TBCK: variants seen among roughly 807,000 people sequenced by gnomAD.
TBCK encodes TBC domain-containing protein kinase-like protein.
Under a neutral mutation model 113.4 loss-of-function variants are expected in TBCK, and 99 were observed. That is an observed-to-expected ratio of 0.87 (90% confidence interval 0.74 to 1.03). The LOEUF (loss-of-function observed/expected upper bound fraction) is 1.03. Among genes scored for constraint, TBCK ranks in the 50% least tolerant of loss-of-function variants. The pLI, the probability that TBCK is intolerant of heterozygous loss-of-function variation, is 0.00. For missense variants in TBCK, 1,045 were observed against 1,061.3 expected, an observed-to-expected ratio of 0.98 and a Z score of 0.21; for synonymous variants, 369 against 370.8, an observed-to-expected ratio of 1.00 and a Z score of 0.05.
intron 2 of TBCK, among the ~76,000 whole-genome samples, chr4:106,299,561 T>C (rs1417276232): frequency 1.3e-5 from 2 of 152,214 alleles, no homozygotes; most frequent in Admixed American, 6.5e-5. Flanking sequence ...ATAGTTTTAA[T>C]ACTGCTGAGC....
intron 3 of TBCK, among the ~76,000 whole-genome samples, chr4:106,279,684 T>A (rs1301862614): frequency 6.6e-6 from 1 of 152,132 alleles, no homozygotes; most frequent in Non-Finnish European, 1.5e-5. Context: ...ACATGTAAAG[T>A]TTGTCTTTCT....
chr4:106,234,347 A>G (rs1759216154), intron 15 of TBCK, among the ~76,000 whole-genome samples: 1 of 152,126 alleles, frequency 6.6e-6, no homozygotes, highest in African/African-American at 2.4e-5. Context: ...TAACCAACTA[A>G]ACTCAAAGGT....
At chr4:106,163,346 T>C (rs1382030467) in intron 23 of TBCK, 2 of 152,200 alleles carry the variant, frequency 1.3e-5, no homozygotes, top group Non-Finnish European at 2.9e-5. Flanking sequence ...AGCTCCAAAT[T>C]TTCCCACATT....
chr4:106,135,350 C>T (rs1012626816), intron 23 of TBCK, among the ~76,000 whole-genome samples: 1 of 152,050 alleles, frequency 6.6e-6, no homozygotes, highest in Non-Finnish European at 1.5e-5. Context: ...AATTCAGGTG[C>T]AGAGAAGGTA....
chr4:106,124,332 A>G (rs1321949929), intron 23 of TBCK, among the ~76,000 whole-genome samples: 1 of 152,220 alleles, frequency 6.6e-6, no homozygotes, highest in African/African-American at 2.4e-5. Context: ...AATGGCAATC[A>G]TTAAAAAGTC....
intron 19 of TBCK, among the ~76,000 whole-genome samples, chr4:106,216,906 C>T (rs1023305745): frequency 6.6e-5 from 10 of 151,934 alleles, no homozygotes; most frequent in Admixed American, 3.9e-4. Context: ...CAGGCAGAGA[C>T]ACAACCAAAA....
intron 18 of TBCK, among the ~76,000 whole-genome samples, chr4:106,230,841 T>C (rs963482013): frequency 9.9e-5 from 15 of 151,784 alleles, no homozygotes; most frequent in Non-Finnish European, 1.9e-4. Context: ...AGGAATAGTG[T>C]TATAATTCAC....
rs191712411 is a variant in TBCK at position 106,105,755 on chromosome 4, G to C, written c.2412-10114C>G. Among the ~76,000 whole-genome samples the C allele has an allele frequency of 1.5e-4, 23 of 150,418 alleles. No individual in the cohort carries two copies. The East Asian group carries it at 3.7e-3, about 25-fold the overall frequency. On this transcript the variant is annotated intron_variant, in intron 24 of 25. Transcript: ENST00000394708. ...AAAATATCCAGAAAATAAGTCTATTGACTGTACTCAATCTACACCACAGTT... is the reference window on the plus strand; with the variant it reads ...AAAATATCCAGAAAATAAGTCTATTCACTGTACTCAATCTACACCACAGTT...
intron 3 of TBCK, among the ~76,000 whole-genome samples, chr4:106,268,556 T>C (rs550149983): frequency 6.6e-6 from 1 of 152,188 alleles, no homozygotes; most frequent in Admixed American, 6.6e-5. Context: ...AATCTTTTAG[T>C]TAGTCAAGAA....
chr4:106,196,509 GTATT>G (rs1185954475), intron 20 of TBCK, among the ~76,000 whole-genome samples: 2 of 152,004 alleles, frequency 1.3e-5, no homozygotes, highest in African/African-American at 2.4e-5. Context: ...ACTCAATTGA[GTATT>G]TATACTATCA....
At chr4:106,106,746 C>T (rs1444325323) in intron 24 of TBCK, among the ~76,000 whole-genome samples, 1 of 152,040 alleles carries the variant, frequency 6.6e-6, no homozygotes, top group East Asian at 1.9e-4. Context: ...CCAACATAAC[C>T]ACCAGCTAAC....
At chr4:106,054,882 C>T (rs1176462962) in intron 25 of TBCK, among the ~76,000 whole-genome samples, 1 of 151,524 alleles carries the variant, frequency 6.6e-6, no homozygotes, top group East Asian at 1.9e-4. Context: ...AGAGTCTTCA[C>T]CCAACTCTTG....
chr4:106,112,676 G>T (rs955625941), intron 24 of TBCK, among the ~76,000 whole-genome samples: 2 of 152,016 alleles, frequency 1.3e-5, no homozygotes, highest in Non-Finnish European at 2.9e-5. Context: ...CTTTTTCTCC[G>T]ACTTCAGCAT....
chr4:106,315,754 CA>C (rs1451456843), intron 1 of TBCK, 176 bp downstream of exon 1: 6 of 152,326 alleles, frequency 3.9e-5, no homozygotes, highest in Admixed American at 6.5e-5. Context: ...ACCTGATTTA[CA>C]GGAAAGGCGG....
intron 22 of TBCK, among the ~76,000 whole-genome samples, chr4:106,176,389 G>C (rs1247929462): frequency 6.6e-6 from 1 of 151,884 alleles, no homozygotes; most frequent in Non-Finnish European, 1.5e-5. Context: ...AACTTATTTA[G>C]TTTCCCAAGT....
chr4:106,102,820 T>C (rs767030716), intron 24 of TBCK, among the ~76,000 whole-genome samples: 1 of 152,172 alleles, frequency 6.6e-6, no homozygotes, highest in African/African-American at 2.4e-5. Flanking sequence ...GAAAAGGTGT[T>C]AGAGAAAGTT....
chr4:106,101,416 A>G (rs1741534374), intron 24 of TBCK, among the ~76,000 whole-genome samples: 1 of 152,174 alleles, frequency 6.6e-6, no homozygotes, highest in Non-Finnish European at 1.5e-5. Context: ...AAATGAGATG[A>G]AAAAAACCTT....
Position 106,308,879 on chromosome 4 carries a change from C to A in TBCK, c.82G>T (p.Gly28Ter). Residue 28 changes from glycine to a stop codon, truncating the protein, a stop_gained, in exon 2 of 26, where the codon GGA becomes TGA. Coordinates refer to ENST00000394708, the MANE Select transcript of TBCK (RefSeq NM_001163435.3). LOFTEE classifies it high-confidence loss of function. Reference protein sequence around the residue: ...ALPHDVCGSNGLPLTPNSIKI... With the variant: ...ALPHDVCGSN ...ATGGAATTTGGTGTGAGAGGAAGTC[C>A]ATTGCTTCCACAAACATCATGTGGC... 1 of 1,614,068 alleles carries A rather than the reference C, an allele frequency of 6.2e-7. No homozygotes were observed. Among genetic ancestry groups the A allele is most frequent in the South Asian group, 1.1e-5 (1 of 91,084 alleles).
intron 2 of TBCK, among the ~76,000 whole-genome samples, chr4:106,305,295 GAAT>G (rs143373571): frequency 0.15 from 23,455 of 151,808 alleles, 1,898 homozygotes; most frequent in South Asian, 0.25. Flanking sequence ...TTTAAATTAA[GAAT>G]AATTAATAAT....
Sources: allele counts gnomAD v4.1 joint callset (sites outside exome capture counted in the v4.1 genomes callset), GRCh38; gene constraint gnomAD v4.1.1; transcripts MANE v1.5; gene names NCBI Gene and HGNC (gene_info 2026-07-23, HGNC 2026-07-21).